Variants in DPYD observed in about 807,000 individuals in gnomAD.
DPYD encodes dihydropyrimidine dehydrogenase [NADP(+)].
In DPYD, 109 loss-of-function variants were observed where a neutral mutation model predicts 116.2. That is an observed-to-expected ratio of 0.94 (90% CI 0.80 to 1.10). The LOEUF (loss-of-function observed/expected upper bound fraction) is 1.10, where lower values mean the gene tolerates loss of function less well. Among genes scored for constraint, DPYD ranks in the 50% least tolerant of loss-of-function variants. The pLI, the probability that DPYD is intolerant of heterozygous loss-of-function variation, is 0.00. For missense variants in DPYD, 1,302 were observed against 1,254.5 expected (o/e 1.04, Z -0.57); for synonymous variants, 440 against 432.0 (o/e 1.02, Z -0.23).
intron 13 of DPYD, among the ~76,000 whole-genome samples, chr1:97,474,708 T>A (rs1021060572): frequency 2.6e-5 from 4 of 152,002 alleles, no homozygotes; most frequent in African/African-American, 9.7e-5. Flanking sequence ...TGGCATATAA[T>A]GTAGAAAATG....
chr1:97,188,597 A>G (rs1371287090), intron 20 of DPYD, among the ~76,000 whole-genome samples: 3 of 152,220 alleles, frequency 2.0e-5, no homozygotes, highest in Admixed American at 2.0e-4. Flanking sequence ...TGTAGGAACC[A>G]TGGGCTGTAA....
At chr1:97,357,984 GA>G (rs1670508523) in intron 16 of DPYD, among the ~76,000 whole-genome samples, 1 of 152,314 alleles carries the variant, frequency 6.6e-6, no homozygotes, top group Admixed American at 6.5e-5. Context: ...AGGATGAGCT[GA>G]AGCAGTGGGG....
rs970260395 is a variant in DPYD at position 97,514,710 on chromosome 1, ACT to A, written c.1740+1014_1740+1015del. ...TCTTTACGAAGGATTTTTTTCCTGCACTGTTTTTTTTTCTGACTTTTGAGAAT... is the reference window on the plus strand; with the variant it reads ...TCTTTACGAAGGATTTTTTTCCTGCAGTTTTTTTTTCTGACTTTTGAGAAT... On this transcript the variant is annotated intron_variant, in intron 13 of 22. Transcript: ENST00000370192. Among the ~76,000 whole-genome samples, 55 of 151,572 alleles carry A rather than the reference ACT, an allele frequency of 3.6e-4. No individual in the cohort carries two copies. In the Middle Eastern group the frequency reaches 0.014, roughly 38 times the overall value.
At chr1:97,318,222 A>G (rs1430666049) in intron 16 of DPYD, among the ~76,000 whole-genome samples, 6 of 143,338 alleles carry the variant, frequency 4.2e-5, no homozygotes, top group Non-Finnish European at 9.2e-5. Flanking sequence ...TCAAATTCAC[A>G]CATAACAATA....
chr1:97,395,427 C>T (rs1168569265), intron 14 of DPYD, among the ~76,000 whole-genome samples: 1 of 151,870 alleles, frequency 6.6e-6, no homozygotes, highest in Non-Finnish European at 1.5e-5. Context: ...AATAATGAGG[C>T]ATGGATAATT....
At chr1:97,293,879 TG>T (rs35562854) in intron 18 of DPYD, among the ~76,000 whole-genome samples, 35,519 of 151,588 alleles carry the variant, frequency 0.23, 4,342 homozygotes, top group Middle Eastern at 0.28. Context: ...ACCCGGGAGG[TG>T]GAGGTTGCAG....
intron 14 of DPYD, among the ~76,000 whole-genome samples, chr1:97,439,503 T>C (rs1408343569): frequency 2.6e-5 from 4 of 152,204 alleles, no homozygotes; most frequent in Admixed American, 2.6e-4. Context: ...ATTTACATAA[T>C]GTTGTTCATA....
chr1:97,645,027 C>T (rs1353179723), intron 8 of DPYD, among the ~76,000 whole-genome samples: 1 of 152,018 alleles, frequency 6.6e-6, no homozygotes, highest in Non-Finnish European at 1.5e-5. Context: ...AGAGATATTT[C>T]CCCATCAGTA....
At chr1:97,895,875 G>A (rs1673037435) in intron 1 of DPYD, among the ~76,000 whole-genome samples, 1 of 151,704 alleles carries the variant, frequency 6.6e-6, no homozygotes. Flanking sequence ...TGTATATGCA[G>A]TATGGAGTCA....
intron 18 of DPYD, among the ~76,000 whole-genome samples, chr1:97,292,692 A>T (rs1666277484): frequency 6.7e-6 from 1 of 149,058 alleles, no homozygotes; most frequent in South Asian, 2.2e-4. Flanking sequence ...ACACAAACAC[A>T]CATGCGTGCA....
At chr1:97,284,217 T>C (rs1665514144) in intron 18 of DPYD, among the ~76,000 whole-genome samples, 1 of 152,136 alleles carries the variant, frequency 6.6e-6, no homozygotes, top group Non-Finnish European at 1.5e-5. Context: ...ATGTTCATGG[T>C]ATATATCTTT....
chr1:97,162,256 T>C (rs1213331770), intron 20 of DPYD, among the ~76,000 whole-genome samples: 3 of 152,204 alleles, frequency 2.0e-5, no homozygotes, highest in African/African-American at 4.8e-5. Context: ...TTTTTAATGA[T>C]TGCCATTCTA....
At chr1:97,840,583 T>A (rs539995418) in intron 2 of DPYD, among the ~76,000 whole-genome samples, 2 of 152,290 alleles carry the variant, frequency 1.3e-5, no homozygotes, top group East Asian at 3.9e-4. Flanking sequence ...TTAAAATATG[T>A]GAAGAAAACA....
intron 13 of DPYD, among the ~76,000 whole-genome samples, chr1:97,510,601 G>C (rs868745916): frequency 2.0e-5 from 3 of 152,044 alleles, no homozygotes; most frequent in Middle Eastern, 6.8e-3. Context: ...GATGTGAATT[G>C]CTCTAATCAG....
At chr1:97,235,706 C>G (rs1661871513) in intron 18 of DPYD, among the ~76,000 whole-genome samples, 1 of 152,108 alleles carries the variant, frequency 6.6e-6, no homozygotes, top group Admixed American at 6.6e-5. Flanking sequence ...AGTAGACATA[C>G]AGCTATGTTA....
chr1:97,352,788 G>A (rs530261285), intron 16 of DPYD, among the ~76,000 whole-genome samples: 2 of 152,246 alleles, frequency 1.3e-5, no homozygotes, highest in African/African-American at 4.8e-5. Flanking sequence ...ATACAGTAAA[G>A]TGCACCTTTC....
At chr1:97,089,105 C>A (rs1304938176) in intron 21 of DPYD, among the ~76,000 whole-genome samples, 2 of 152,160 alleles carry the variant, frequency 1.3e-5, no homozygotes. Flanking sequence ...TCTTGCCAGT[C>A]TTATGAGATG....
chr1:97,788,376 A>T (rs746322109), intron 3 of DPYD, among the ~76,000 whole-genome samples: 3 of 152,154 alleles, frequency 2.0e-5, no homozygotes, highest in Non-Finnish European at 2.9e-5. Context: ...CCAAAGGAGG[A>T]GAAGCCATAT....
chr1:97,899,291 G>A (rs376375816), intron 1 of DPYD, among the ~76,000 whole-genome samples: 3 of 151,720 alleles, frequency 2.0e-5, no homozygotes, highest in African/African-American at 7.3e-5. Flanking sequence ...ACTAAGGTTT[G>A]GGTGAGCTTC....
Sources: gnomAD v4.1 joint callset for allele counts (sites outside exome capture counted in the v4.1 genomes callset) on GRCh38, gnomAD v4.1.1 for gene constraint, MANE v1.5 for transcripts, NCBI Gene and HGNC (gene_info 2026-07-23, HGNC 2026-07-21) for gene names.